The following PREPL variants were observed in gnomAD, a reference collection of about 807,000 sequenced individuals.
PREPL encodes the protein prolyl endopeptidase-like.
A neutral mutation model predicts 70.6 loss-of-function variants in PREPL; 77 were observed. The ratio of observed to expected loss-of-function variants is 1.09; its 90% CI spans 0.91 to 1.32. PREPL has a LOEUF of 1.32. Ranked by LOEUF, PREPL falls within the 40% of genes most tolerant of loss-of-function variation. The probability of loss-of-function intolerance (pLI) is 0.00; values close to 1 mark genes in which losing one functional copy is unlikely to be tolerated. For missense variants in PREPL, 1,002 were observed against 778.2 expected, an observed-to-expected ratio of 1.29 and a Z score of -3.42; for synonymous variants, 315 against 264.8, an observed-to-expected ratio of 1.19 and a Z score of -1.84.
At chr2:44,353,590 A>AAAAT (rs905955401) in intron 1 of PREPL, among the ~76,000 whole-genome samples, 3 of 151,490 alleles carry the variant, frequency 2.0e-5, no homozygotes, top group East Asian at 1.9e-4. Context: ...TCCATCTCAA[A>AAAAT]AAATAAATAA....
chr2:44,345,434 C>G (rs1023300985), intron 2 of PREPL, among the ~76,000 whole-genome samples: 7 of 152,104 alleles, frequency 4.6e-5, no homozygotes, highest in Non-Finnish European at 7.4e-5. Flanking sequence ...TCAGGGCAAC[C>G]TCTGCATCCT....
At chr2:44,356,953 C>T (rs1677113582) in intron 1 of PREPL, among the ~76,000 whole-genome samples, 1 of 152,244 alleles carries the variant, frequency 6.6e-6, no homozygotes, top group East Asian at 1.9e-4. Flanking sequence ...TACAGGCGTG[C>T]GCCACCATAC....
chr2:44,348,412 G>A (rs986683405), intron 1 of PREPL, among the ~76,000 whole-genome samples: 1 of 152,180 alleles, frequency 6.6e-6, no homozygotes, highest in African/African-American at 2.4e-5. Context: ...AGCTGCCTTT[G>A]CATTTCTAGA....
At chr2:44,344,402 A>T (rs1413730170) in intron 3 of PREPL, 118 bp downstream of exon 3, 3 of 839,164 alleles carry the variant, frequency 3.6e-6, no homozygotes, top group Non-Finnish European at 3.6e-6. Context: ...CATTAAAAAA[A>T]AATTCAGAAA....
chr2:44,328,395 C>A (rs1472741315), intron 9 of PREPL, among the ~76,000 whole-genome samples: 3 of 134,084 alleles, frequency 2.2e-5, no homozygotes, highest in Non-Finnish European at 3.1e-5. Context: ...CGAGATTGTG[C>A]CACTGCACTC....
At chr2:44,329,191 G>C in intron 8 of PREPL, 79 bp from the exon 9 acceptor site, 1 of 1,215,102 alleles carries the variant, frequency 8.2e-7, no homozygotes, top group Non-Finnish European at 1.2e-6. Context: ...AATACATTGA[G>C]GTGCACTGTC....
chr2:44,340,688 G>A (rs1675116207), intron 5 of PREPL, among the ~76,000 whole-genome samples: 1 of 152,092 alleles, frequency 6.6e-6, no homozygotes, highest in Admixed American at 6.5e-5. Flanking sequence ...AGCACTCTGG[G>A]AGGCCAAAGC....
rs906363867 is a variant in PREPL at position 44,319,535 on chromosome 2, T to C, written c.*1821A>G. Reference sequence around the variant, plus strand: ...TTATATAGTCAATAACAGAAAATGCTTGAAAGGTTAGAAGTACATCATCAA... The same window carrying C: ...TTATATAGTCAATAACAGAAAATGCCTGAAAGGTTAGAAGTACATCATCAA... On this transcript the variant is annotated 3_prime_UTR_variant, in exon 14 of 14. Transcript: ENST00000409411. 1.8e-4 allele frequency: 28 copies of C among 152,356 alleles called. No homozygotes were observed. The highest frequency in any genetic ancestry group is 6.3e-4 in the African/African-American group (26 of 41,460). 9.4% of individuals were successfully genotyped at this position (152,356 alleles called of 1,614,324 possible). A position where few individuals can be genotyped will look rare whatever the true frequency, so the allele number is the denominator to read the frequency against.
chr2:44,361,012 TACTAGCCGAC>T (rs928565520), intron 1 of PREPL, among the ~76,000 whole-genome samples: 6 of 152,148 alleles, frequency 3.9e-5, no homozygotes, highest in Middle Eastern at 3.2e-3. Context: ...AACACTAGTT[TACTAGCCGAC>T]ACTAGTAAAA....
At chr2:44,327,686 C>A (rs181327836) in intron 9 of PREPL, among the ~76,000 whole-genome samples, 1 of 151,418 alleles carries the variant, frequency 6.6e-6, no homozygotes, top group Non-Finnish European at 1.5e-5. Flanking sequence ...CATGGTGAAA[C>A]CCCCGTCTCT....
chr2:44,336,141 G>C (rs376719386), intron 7 of PREPL, among the ~76,000 whole-genome samples: 4 of 152,224 alleles, frequency 2.6e-5, no homozygotes, highest in African/African-American at 9.6e-5. Context: ...AAGCAGTTTG[G>C]GAATTTCTCA....
intron 1 of PREPL, among the ~76,000 whole-genome samples, chr2:44,354,604 G>A (rs1417114286): frequency 2.7e-5 from 4 of 149,728 alleles, no homozygotes; most frequent in Non-Finnish European, 4.4e-5. Flanking sequence ...ATGGAGCCTC[G>A]CTCCCATCAC....
rs529174917 is a variant in PREPL at position 44,318,737 on chromosome 2, T to A, written c.*2619A>T. 1 of 152,146 alleles carries A rather than the reference T, an allele frequency of 6.6e-6. No homozygotes were observed. Among genetic ancestry groups the A allele is most frequent in the Non-Finnish European group, 1.5e-5 (1 of 68,020 alleles). The allele number at this position is 152,146 out of a possible 1,614,324, so 9.4% of individuals were successfully genotyped here. On this transcript the variant is annotated 3_prime_UTR_variant, in exon 14 of 14. Coordinates refer to ENST00000409411, the MANE Select transcript of PREPL (RefSeq NM_001171613.2). ...CTTTTTATAGTATGTATTCTTGTAA[T>A]TGAATAAAAAATAAAATTACAAAAA...
At chr2:44,343,596 G>T (rs1675457579) in intron 4 of PREPL, 149 bp downstream of exon 4, 1 of 631,044 alleles carries the variant, frequency 1.6e-6, no homozygotes, top group Non-Finnish European at 2.7e-6. Flanking sequence ...AAGGTCTCCT[G>T]AATAAGAGGT....
chr2:44,342,190 C>A (rs1046573243), intron 5 of PREPL, among the ~76,000 whole-genome samples: 2 of 152,070 alleles, frequency 1.3e-5, no homozygotes, highest in African/African-American at 4.8e-5. Context: ...TTCACAAAAT[C>A]AATTTCAGTT....
rs773116683 is a variant in PREPL at position 44,359,694 on chromosome 2, A to G, written c.-49+1686T>C. On this transcript the variant is annotated intron_variant, in intron 1 of 13. Transcript: ENST00000409411. ...ATACTATACTTCAAAGCTTGGAGAA[A>G]TAATTTGGTCTTCTGCTGCATGATA... The G allele has an allele frequency of 6.2e-7, 1 of 1,612,344 alleles. No individual in the cohort carries two copies. Among genetic ancestry groups the G allele is most frequent in the Non-Finnish European group, 8.5e-7 (1 of 1,178,448 alleles).
chr2:44,358,743 T>C (rs2104255499), intron 1 of PREPL, among the ~76,000 whole-genome samples: 1 of 152,250 alleles, frequency 6.6e-6, no homozygotes, highest in East Asian at 1.9e-4. Context: ...CAGCTTGGGG[T>C]CTGGCAGAAG....
intron 10 of PREPL, among the ~76,000 whole-genome samples, chr2:44,325,971 C>T (rs531204158): frequency 8.5e-5 from 13 of 152,224 alleles, no homozygotes; most frequent in South Asian, 2.1e-4. Flanking sequence ...TATGCCCAAA[C>T]GACCATTAAG....
intron 1 of PREPL, 80 bp from the exon 2 acceptor site, chr2:44,346,470 T>G: frequency 1.6e-6 from 2 of 1,272,642 alleles, no homozygotes; most frequent in Non-Finnish European, 2.2e-6. Context: ...AGTAGGTCTA[T>G]ACCGTAGACT....
Sources: allele counts gnomAD v4.1 joint callset (sites outside exome capture counted in the v4.1 genomes callset), GRCh38; gene constraint gnomAD v4.1.1; transcripts MANE v1.5; gene names NCBI Gene and HGNC (gene_info 2026-07-23, HGNC 2026-07-21).